The following ZSWIM6 variants were observed in gnomAD, a reference collection of about 807,000 sequenced individuals.
ZSWIM6 encodes zinc finger SWIM-type containing 6.
A neutral mutation model predicts 113.2 loss-of-function variants in ZSWIM6; 9 were observed. The ratio of observed to expected loss-of-function variants is 0.08; its 90% CI spans 0.05 to 0.14. ZSWIM6 has a LOEUF of 0.14. Ranked by LOEUF, ZSWIM6 falls within the 10% of genes least tolerant of loss-of-function variation. The pLI, the probability that ZSWIM6 is intolerant of heterozygous loss-of-function variation, is 1.00. For synonymous variants in ZSWIM6, 611 were observed against 606.5 expected (o/e 1.01, Z -0.11); for missense variants, 1,162 against 1,552.2 (o/e 0.75, Z 4.22).
chr5:61,468,788 AAAG>A (rs1389566356), intron 1 of ZSWIM6, among the ~76,000 whole-genome samples: 2 of 152,200 alleles, frequency 1.3e-5, no homozygotes, highest in East Asian at 1.9e-4. Context: ...GTAGAATTTC[AAAG>A]AAGATTTCTC....
At chr5:61,338,930 G>A (rs1447309985) in intron 1 of ZSWIM6, among the ~76,000 whole-genome samples, 1 of 152,126 alleles carries the variant, frequency 6.6e-6, no homozygotes, top group African/African-American at 2.4e-5. Context: ...TAATTGAACA[G>A]TTTAAGTCAT....
Position 61,545,565 on chromosome 5 carries a change from T to TTA in ZSWIM6, c.*1256_*1257dup, listed in dbSNP as rs1184010410. ...AGCTAACCTTTGTGCACAAATAACA[T>TTA]TATATATATTATATATCTATTCTGC... On this transcript the variant is annotated 3_prime_UTR_variant, in exon 14 of 14. Transcript: ENST00000252744. 2.0e-5 allele frequency: 3 copies of TTA among 152,146 alleles called. No homozygotes were observed. The highest frequency in any genetic ancestry group is 4.4e-5 in the Non-Finnish European group (3 of 68,022). 9.4% of individuals were successfully genotyped at this position (152,146 alleles called of 1,614,324 possible).
chr5:61,531,673 G>T lies in ZSWIM6; in HGVS notation c.2193G>T (p.Leu731Phe). The change falls in exon 9 of 14, where the codon TTG becomes TTT. Residue 731 changes from leucine to phenylalanine, a missense_variant. Physicochemically the swap from Leu to Phe is conservative, Grantham distance 22. Transcript: ENST00000252744. ...QLISKLQEIE[L>F]DDTLVKIFRK... ...TTTCTAAGCTTCAGGAAATTGAATT[G>T]GATGACACACTGGTGAAAATTTTTC... The T allele has an allele frequency of 6.4e-7, 1 of 1,551,678 alleles. No individual in the cohort carries two copies. Among genetic ancestry groups the T allele is most frequent in the Non-Finnish European group, 8.7e-7 (1 of 1,146,974 alleles).
intron 1 of ZSWIM6, among the ~76,000 whole-genome samples, chr5:61,440,142 T>C (rs1378455402): frequency 1.3e-5 from 2 of 151,952 alleles, no homozygotes; most frequent in East Asian, 3.9e-4. Flanking sequence ...CGCGAGAGTA[T>C]ATTAAGTATA....
intron 1 of ZSWIM6, among the ~76,000 whole-genome samples, chr5:61,397,247 A>G (rs1745855761): frequency 6.6e-6 from 1 of 152,226 alleles, no homozygotes; most frequent in African/African-American, 2.4e-5. Context: ...TACTGTATAT[A>G]TATCTAAAAC....
intron 1 of ZSWIM6, among the ~76,000 whole-genome samples, chr5:61,400,105 C>T (rs1048250076): frequency 1.3e-5 from 2 of 152,112 alleles, no homozygotes; most frequent in Non-Finnish European, 2.9e-5. Flanking sequence ...CTTTGCTTGG[C>T]GTCCACTCTA....
At chr5:61,375,030 G>T in intron 1 of ZSWIM6, 1 of 1,268,132 alleles carries the variant, frequency 7.9e-7, no homozygotes, top group Non-Finnish European at 1.1e-6. Context: ...TGAGAGGTGG[G>T]ACCAAGTCTA....
chr5:61,513,904 A>C lies in ZSWIM6; in HGVS notation c.1334-7359A>C, dbSNP rs539696143. ...ATCTTTTGTCTTTGTCCTTCTTACA[A>C]CTTTGCCCTTTTTAAAAATTGTTTT... On this transcript the variant is annotated intron_variant, in intron 4 of 13. Coordinates refer to ENST00000252744, the MANE Select transcript of ZSWIM6 (RefSeq NM_020928.2). 4.5e-4 allele frequency among the ~76,000 whole-genome samples: 69 copies of C among 152,114 alleles called. 1 individual carries two copies. The South Asian group carries it at 0.011, about 24-fold the overall frequency.
At position 61,345,220 on chromosome 5, in the gene ZSWIM6, T is replaced by C. The variant is rs75023480; in HGVS notation, c.676+12272T>C. On this transcript the variant is annotated intron_variant, in intron 1 of 13. Coordinates refer to ENST00000252744, the MANE Select transcript of ZSWIM6 (RefSeq NM_020928.2). Reference sequence around the variant, plus strand: ...ACACATACTGTTTTTCCTACAGTTATCCCTGTTCTCTTGGCTAACTCATTT... The same window carrying C: ...ACACATACTGTTTTTCCTACAGTTACCCCTGTTCTCTTGGCTAACTCATTT... 1.5e-3 allele frequency among the ~76,000 whole-genome samples: 236 copies of C among 152,358 alleles called. 1 individual carries two copies. The highest frequency in any genetic ancestry group is 5.6e-3 in the African/African-American group (231 of 41,594).
intron 8 of ZSWIM6, 62 bp downstream of exon 8, chr5:61,530,260 C>G: frequency 6.9e-7 from 1 of 1,442,916 alleles, no homozygotes; most frequent in South Asian, 1.4e-5. Context: ...TGGCAGTAGT[C>G]ATTGTTTTTC....
rs115067163 is a variant in ZSWIM6, at chr5:61,353,343, A to G, written c.676+20395A>G. 7.7e-3 allele frequency among the ~76,000 whole-genome samples: 1,176 copies of G among 152,218 alleles called. 9 individuals carry two copies. The highest frequency in any genetic ancestry group is 0.027 in the African/African-American group (1,126 of 41,532). On this transcript the variant is annotated intron_variant, in intron 1 of 13. Transcript: ENST00000252744. ...TAGCTCTCATAACAACTTTGAGGAGAAGGTATTCTCATTCTAAGGCTGAGG... is the reference window on the plus strand; with the variant it reads ...TAGCTCTCATAACAACTTTGAGGAGGAGGTATTCTCATTCTAAGGCTGAGG...
intron 1 of ZSWIM6, among the ~76,000 whole-genome samples, chr5:61,421,470 T>C (rs1746353864): frequency 6.6e-6 from 1 of 152,236 alleles, no homozygotes. Context: ...TAGTATTCCA[T>C]TGTGCATATG....
chr5:61,443,328 A>G (rs960656934), intron 1 of ZSWIM6, among the ~76,000 whole-genome samples: 5 of 152,218 alleles, frequency 3.3e-5, no homozygotes, highest in Non-Finnish European at 7.3e-5. Context: ...AACAACCTAA[A>G]TGAAGACATA....
At chr5:61,376,288 T>C (rs1306146859) in intron 1 of ZSWIM6, among the ~76,000 whole-genome samples, 9 of 116,222 alleles carry the variant, frequency 7.7e-5, no homozygotes, top group African/African-American at 3.0e-4. Context: ...TAGATAAGTG[T>C]ATTTTAATTT....
chr5:61,361,081 G>T (rs574672312), intron 1 of ZSWIM6, among the ~76,000 whole-genome samples: 1 of 152,050 alleles, frequency 6.6e-6, no homozygotes, highest in Non-Finnish European at 1.5e-5. Context: ...GGGGAGGGGG[G>T]TAAAGTCACA....
At chr5:61,504,978 C>A (rs1037095889) in intron 4 of ZSWIM6, among the ~76,000 whole-genome samples, 1 of 152,098 alleles carries the variant, frequency 6.6e-6, no homozygotes, top group African/African-American at 2.4e-5. Context: ...GTTAATATAA[C>A]GTAGGACATG....
chr5:61,498,391 A>G (rs1239307509), intron 4 of ZSWIM6, among the ~76,000 whole-genome samples: 1 of 152,214 alleles, frequency 6.6e-6, no homozygotes, highest in South Asian at 2.1e-4. Context: ...TCACAAGAAC[A>G]AGGTGGCATG....
chr5:61,360,287 A>G (rs1353064449), intron 1 of ZSWIM6, among the ~76,000 whole-genome samples: 6 of 152,264 alleles, frequency 3.9e-5, no homozygotes, highest in African/African-American at 1.4e-4. Flanking sequence ...AGTGTTTCCC[A>G]TGGGTGGAAC....
intron 4 of ZSWIM6, among the ~76,000 whole-genome samples, chr5:61,503,044 G>A (rs1748516210): frequency 6.6e-6 from 1 of 152,182 alleles, no homozygotes; most frequent in South Asian, 2.1e-4. Flanking sequence ...TACTTTAGGG[G>A]AAGGCAAGAT....
Sources: allele counts gnomAD v4.1 joint callset (sites outside exome capture counted in the v4.1 genomes callset), GRCh38; gene constraint gnomAD v4.1.1; transcripts MANE v1.5; gene names NCBI Gene and HGNC (gene_info 2026-07-23, HGNC 2026-07-21).